KIF3A: variants seen among roughly 807,000 people sequenced by gnomAD.
KIF3A encodes kinesin family member 3A.
In KIF3A, 27 loss-of-function variants were observed where a neutral mutation model predicts 92.6. The ratio of observed to expected loss-of-function variants is 0.29; its 90% CI spans 0.21 to 0.40. The LOEUF is 0.40. Among genes scored for constraint, KIF3A ranks in the 10% least tolerant of loss-of-function variants. KIF3A has a pLI of 1.00. For missense variants in KIF3A, 581 were observed against 872.6 expected (o/e 0.67, Z 4.21); for synonymous variants, 250 against 275.4 (o/e 0.91, Z 0.92).
chr5:132,714,799 C>T (rs1001310913), intron 8 of KIF3A, among the ~76,000 whole-genome samples: 1 of 152,026 alleles, frequency 6.6e-6, no homozygotes, highest in Non-Finnish European at 1.5e-5. Context: ...GTATATTTTA[C>T]CACAACAAAA....
At chr5:132,737,266 G>A in intron 1 of KIF3A, 148 bp downstream of exon 1, 3 of 865,066 alleles carry the variant, frequency 3.5e-6, no homozygotes, top group Non-Finnish European at 3.3e-6. Flanking sequence ...GACCAGCCAG[G>A]CTCTCCAACC....
chr5:132,713,889 CTTTTTTTTT>C (rs34191042), intron 8 of KIF3A, among the ~76,000 whole-genome samples: 2 of 83,760 alleles, frequency 2.4e-5, no homozygotes, highest in African/African-American at 4.8e-5. Context: ...ATTTCACTTT[CTTTTTTTTT>C]TTTTTTTTTT....
At chr5:132,736,975 TG>T (rs1754410351) in intron 1 of KIF3A, 4 of 309,784 alleles carry the variant, frequency 1.3e-5, no homozygotes, top group South Asian at 1.3e-4. Flanking sequence ...ACTCGGAGTA[TG>T]GGGCCTGGAA....
chr5:132,690,482 C>G (rs560537486), downstream of KIF3A, among the ~76,000 whole-genome samples: 11 of 152,102 alleles, frequency 7.2e-5, no homozygotes, highest in Non-Finnish European at 1.3e-4. Flanking sequence ...TAAACAACAA[C>G]ATTTTCAAAT....
chr5:132,730,389 C>A (rs1210026307), intron 2 of KIF3A, among the ~76,000 whole-genome samples: 1 of 151,864 alleles, frequency 6.6e-6, no homozygotes, highest in Non-Finnish European at 1.5e-5. Flanking sequence ...TCGCTGGAAC[C>A]CGGGGAAGCA....
At chr5:132,719,106 G>C (rs1753739340) in intron 5 of KIF3A, among the ~76,000 whole-genome samples, 1 of 152,190 alleles carries the variant, frequency 6.6e-6, no homozygotes, top group South Asian at 2.1e-4. Flanking sequence ...AACAGATACT[G>C]TTAACAATGC....
At chr5:132,707,041 T>C (rs1177798762) in intron 10 of KIF3A, among the ~76,000 whole-genome samples, 2 of 152,076 alleles carry the variant, frequency 1.3e-5, no homozygotes, top group South Asian at 2.1e-4. Flanking sequence ...TAATTTCCAC[T>C]GATTATTTGA....
At chr5:132,701,181 C>T (rs1172373776) in intron 15 of KIF3A, among the ~76,000 whole-genome samples, 2 of 151,494 alleles carry the variant, frequency 1.3e-5, no homozygotes, top group African/African-American at 2.4e-5. Context: ...TTTCTTAAAA[C>T]TGTATTGAGA....
At chr5:132,727,271 T>C (rs1328931621) in intron 2 of KIF3A, among the ~76,000 whole-genome samples, 4 of 152,172 alleles carry the variant, frequency 2.6e-5, no homozygotes, top group Admixed American at 6.5e-5. Context: ...AGAGACACAG[T>C]GACAAGACAA....
rs543850673 is a variant in KIF3A at position 132,734,823 on chromosome 5, T to C, written c.7-345A>G. Among the ~76,000 whole-genome samples, 95 of 152,330 alleles carry C rather than the reference T, an allele frequency of 6.2e-4. 1 individual carries two copies. The highest frequency in any genetic ancestry group is 2.2e-3 in the African/African-American group (92 of 41,572). On this transcript the variant is annotated intron_variant, in intron 1 of 18. Coordinates refer to ENST00000403231, the MANE Select transcript of KIF3A (RefSeq NM_001300791.2). The stretch of plus-strand genomic sequence containing the variant: ...CGTTTCCTGCCTGTAGGAAAACACA[T>C]GTGAACATGGTTAACAACTTTAACT...
intron 6 of KIF3A, 74 bp from the exon 7 acceptor site, chr5:132,716,516 A>C: frequency 7.9e-7 from 1 of 1,270,298 alleles, no homozygotes; most frequent in Non-Finnish European, 1.1e-6. Context: ...GGTTTTATTA[A>C]AAAGTAATGT....
chr5:132,716,144 T>A lies in KIF3A; in HGVS notation c.954+101A>T, dbSNP rs956472362. Reference sequence around the variant, plus strand: ...AAGGACAACCACAAGTCAAAAAAAGTAAAATAATCAAGTTTAAAAAATGTG... The same window carrying A: ...AAGGACAACCACAAGTCAAAAAAAGAAAAATAATCAAGTTTAAAAAATGTG... On this transcript the variant is annotated intron_variant, in intron 7 of 18. Coordinates refer to ENST00000403231, the MANE Select transcript of KIF3A (RefSeq NM_001300791.2). The A allele has an allele frequency of 8.4e-6, 9 of 1,073,094 alleles. No individual in the cohort carries two copies. In the African/African-American group the frequency reaches 1.3e-4, roughly 15 times the overall value. 66.5% of individuals were successfully genotyped at this position (1,073,094 alleles called of 1,614,324 possible).
intron 1 of KIF3A, chr5:132,736,826 A>C (rs1255001040): frequency 4.6e-6 from 2 of 435,828 alleles, no homozygotes; most frequent in Non-Finnish European, 9.2e-6. Context: ...AGAAGGCCCC[A>C]TTATTAAGTT....
chr5:132,695,983 A>T lies in KIF3A; in HGVS notation c.*651T>A, dbSNP rs960599337. On this transcript the variant is annotated 3_prime_UTR_variant, in exon 19 of 19. Transcript: ENST00000403231. The stretch of plus-strand genomic sequence containing the variant: ...TATTTGATTTGAACTCAAACTGGCA[A>T]AAAAAAGTTAGGAAAGGTTCAGATG... 1 of 152,444 alleles carries T rather than the reference A, an allele frequency of 6.6e-6. No homozygotes were observed. Among genetic ancestry groups the T allele is most frequent in the South Asian group, 2.1e-4 (1 of 4,832 alleles). 9.4% of individuals were successfully genotyped at this position (152,444 alleles called of 1,614,324 possible). A position where few individuals can be genotyped will look rare whatever the true frequency, so the allele number is the denominator to read the frequency against.
At chr5:132,696,768 G>A in intron 18 of KIF3A, 86 bp from the exon 19 acceptor site, 2 of 1,068,590 alleles carry the variant, frequency 1.9e-6, no homozygotes, top group South Asian at 2.6e-5. Context: ...AAACTATGGG[G>A]TGGCCTGTAT....
intron 18 of KIF3A, among the ~76,000 whole-genome samples, chr5:132,696,922 G>A (rs1406419406): frequency 6.6e-6 from 1 of 152,184 alleles, no homozygotes; most frequent in African/African-American, 2.4e-5. Context: ...GTGAAGGATA[G>A]GACAGGTGAT....
rs1471269375 is a variant in KIF3A at position 132,724,807 on chromosome 5, ATATATATATAT to A, written c.510+1310_510+1320del. On this transcript the variant is annotated intron_variant, in intron 4 of 18. Transcript: ENST00000403231. ...TAAAGTATAATAAAAAAAAAAAAAAATATATATATATATATATATATATATATATATATATA... is the reference window on the plus strand; with the variant it reads ...TAAAGTATAATAAAAAAAAAAAAAAAATATATATATATATATATATATATA... 5.3e-4 allele frequency among the ~76,000 whole-genome samples: 16 copies of A among 30,106 alleles called. No individual in the cohort carries two copies. The South Asian group carries it at 5.4e-3, about 10-fold the overall frequency. 19.8% of individuals were successfully genotyped at this position (30,106 alleles called of 152,430 possible).
At chr5:132,735,901 A>G (rs1479774729) in intron 1 of KIF3A, among the ~76,000 whole-genome samples, 3 of 152,224 alleles carry the variant, frequency 2.0e-5, no homozygotes, top group Non-Finnish European at 4.4e-5. Flanking sequence ...TCCATGCCAC[A>G]GCCACACTGA....
rs1752764401 is a variant in KIF3A, at chr5:132,694,328, G to A, written c.*2306C>T. On this transcript the variant is annotated 3_prime_UTR_variant, in exon 19 of 19. Transcript: ENST00000403231. ...GCTGAAGAGACAGAGGTTACAGTGA[G>A]CCGAGATTGTCCCACTGCACTCCAG... 6.6e-6 allele frequency: 1 copy of A among 152,150 alleles called. No individual in the cohort carries two copies. The highest frequency in any genetic ancestry group is 2.4e-5 in the African/African-American group (1 of 41,400). The allele number at this position is 152,150 out of a possible 1,614,324, so 9.4% of individuals were successfully genotyped here.
Sources: gnomAD v4.1 joint callset for allele counts (sites outside exome capture counted in the v4.1 genomes callset) on GRCh38, gnomAD v4.1.1 for gene constraint, MANE v1.5 for transcripts, NCBI Gene and HGNC (gene_info 2026-07-23, HGNC 2026-07-21) for gene names.